Variants in DNAI2 observed in about 807,000 individuals in gnomAD.
The protein encoded by DNAI2 is dynein, axonemal, intermediate polypeptide 2.
A neutral mutation model predicts 74.7 loss-of-function variants in DNAI2; 63 were observed. The observed-to-expected ratio is 0.84, with a 90% CI of 0.69 to 1.04. DNAI2 has a LOEUF of 1.04. Ranked by LOEUF, DNAI2 falls within the 50% of genes least tolerant of loss-of-function variation. The pLI, the probability that DNAI2 is intolerant of heterozygous loss-of-function variation, is 0.00. For synonymous variants in DNAI2, 289 were observed against 314.9 expected, an observed-to-expected ratio of 0.92 and a Z score of 0.87; for missense variants, 688 against 803.2, an observed-to-expected ratio of 0.86 and a Z score of 1.73.
intron 1 of DNAI2, among the ~76,000 whole-genome samples, chr17:74,276,433 C>T (rs1441176385): frequency 6.6e-6 from 1 of 152,210 alleles, no homozygotes; most frequent in East Asian, 1.9e-4. Context: ...CGTCCCCGCT[C>T]TGTCACCCCA....
Position 74,314,737 on chromosome 17 carries a change from G to T in DNAI2, c.*204G>T. The stretch of plus-strand genomic sequence containing the variant: ...CACTTTGAAAATACCTTTCCAGGCA[G>T]CTCCCTGACCATTTGGACACATTGC... On this transcript the variant is annotated 3_prime_UTR_variant, in exon 14 of 14. Transcript: ENST00000311014. 2 of 193,524 alleles carry T rather than the reference G, an allele frequency of 1.0e-5. No individual in the cohort carries two copies. The highest frequency in any genetic ancestry group is 2.1e-4 in the South Asian group (2 of 9,476). The allele number at this position is 193,524 out of a possible 1,614,324, so 12.0% of individuals were successfully genotyped here.
rs886053377 is a variant in DNAI2 at position 74,291,017 on chromosome 17, T to C, written c.611-3T>C. The C allele has an allele frequency of 1.9e-6, 3 of 1,613,806 alleles. No individual in the cohort carries two copies. The highest frequency in any genetic ancestry group is 2.7e-5 in the African/African-American group (2 of 75,022). On this transcript the variant is annotated splice_region_variant and splice_polypyrimidine_tract_variant and intron_variant, in intron 5 of 13. Transcript: ENST00000311014. ...GTGGGGATAATTTTTTTGTGCTTTA[T>C]AGAAAACCCCAACAAGCCTGAACTT...
rs61153755 is a variant in DNAI2 at position 74,296,380 on chromosome 17, G to GGAGA, written c.725-3321_725-3318dup. Among the ~76,000 whole-genome samples the GGAGA allele has an allele frequency of 2.9e-5, 4 of 137,044 alleles. No individual in the cohort carries two copies. The East Asian group carries it at 6.4e-4, about 22-fold the overall frequency. The allele number at this position is 137,044 out of a possible 152,430, so 89.9% of individuals were successfully genotyped here. On this transcript the variant is annotated intron_variant, in intron 6 of 13. Transcript: ENST00000311014. ...GAGGAAGGGGGAAGGAGGGAGGGAG[G>GGAGA]GAGAGAGAGAGAGAGAGAGAAAGAA...
intron 1 of DNAI2, among the ~76,000 whole-genome samples, chr17:74,274,740 G>A (rs1209705216): frequency 1.3e-5 from 2 of 152,198 alleles, no homozygotes; most frequent in Non-Finnish European, 2.9e-5. Context: ...TTTAAGAGGA[G>A]AGCTTTCTGC....
intron 8 of DNAI2, among the ~76,000 whole-genome samples, chr17:74,302,703 T>C (rs1025327788): frequency 6.6e-6 from 1 of 152,258 alleles, no homozygotes; most frequent in African/African-American, 2.4e-5. Context: ...TCCCTTGTTG[T>C]TGGCTTTTGG....
intron 6 of DNAI2, among the ~76,000 whole-genome samples, chr17:74,293,947 C>A (rs2052279077): frequency 6.7e-6 from 1 of 149,706 alleles, no homozygotes; most frequent in African/African-American, 2.5e-5. Flanking sequence ...CCACGCCCAG[C>A]TAATTTTTGT....
At chr17:74,282,383 C>T (rs1389680864) in intron 2 of DNAI2, among the ~76,000 whole-genome samples, 1 of 152,104 alleles carries the variant, frequency 6.6e-6, no homozygotes, top group East Asian at 1.9e-4. Flanking sequence ...TTACTGCAAC[C>T]TTCGTTTCCT....
chr17:74,312,231 G>C lies in DNAI2; in HGVS notation c.1722+1G>C. 6.6e-7 allele frequency: 1 copy of C among 1,523,844 alleles called. No homozygotes were observed. Among genetic ancestry groups the C allele is most frequent in the Non-Finnish European group, 8.9e-7 (1 of 1,125,138 alleles). 94.4% of individuals were successfully genotyped at this position (1,523,844 alleles called of 1,614,324 possible). On this transcript the variant is annotated splice_donor_variant, in intron 12 of 13. Coordinates refer to ENST00000311014, the MANE Select transcript of DNAI2 (RefSeq NM_023036.6). LOFTEE classifies it high-confidence loss of function. ...CGCCATAAAGCTGACGCCAGTGCCT[G>C]TAGGGGCCTGGACAGGGGTTGGGTG...
At chr17:74,307,207 C>T (rs1378895608) in intron 9 of DNAI2, 41 of 455,688 alleles carry the variant, frequency 9.0e-5, no homozygotes, top group Non-Finnish European at 4.0e-5. Flanking sequence ...GTCTTCAGGT[C>T]CTGCAGGCTG....
chr17:74,282,074 G>C, intron 2 of DNAI2, 74 bp downstream of exon 2: 3 of 1,560,582 alleles, frequency 1.9e-6, no homozygotes, highest in Non-Finnish European at 2.6e-6. Context: ...CCGGTGAGTG[G>C]TTCTGTGGGT....
intron 10 of DNAI2, 93 bp downstream of exon 10, chr17:74,309,481 G>A (rs771052029): frequency 1.9e-6 from 3 of 1,571,662 alleles, no homozygotes; most frequent in African/African-American, 2.7e-5. Flanking sequence ...CACGTGTGCA[G>A]TGTGTGGCCA....
At chr17:74,295,774 A>C (rs189786341) in intron 6 of DNAI2, among the ~76,000 whole-genome samples, 1 of 152,146 alleles carries the variant, frequency 6.6e-6, no homozygotes, top group East Asian at 1.9e-4. Flanking sequence ...TCATTAATAC[A>C]TTTTCTTAGC....
chr17:74,287,498 A>G (rs753401353), intron 4 of DNAI2, among the ~76,000 whole-genome samples: 3 of 151,506 alleles, frequency 2.0e-5, no homozygotes, highest in Non-Finnish European at 4.4e-5. Context: ...GATTCATCCC[A>G]CAGGTTGTGT....
chr17:74,307,704 A>T (rs74695549), intron 9 of DNAI2, among the ~76,000 whole-genome samples: 120 of 139,040 alleles, frequency 8.6e-4, no homozygotes, highest in South Asian at 8.7e-4. Context: ...TCTGAATTTT[A>T]AAAAAAAAAA....
intron 9 of DNAI2, among the ~76,000 whole-genome samples, chr17:74,306,799 G>A (rs192650313): frequency 6.6e-6 from 1 of 152,178 alleles, no homozygotes; most frequent in East Asian, 1.9e-4. Flanking sequence ...TGTATTTTTA[G>A]TATAGACAGA....
rs374710603 is a variant in DNAI2 at position 74,312,012 on chromosome 17, C to T, written c.1504C>T (p.Arg502Cys). ...EKNVASSMFE[R>C]ETRREKILEA... is the part of the protein sequence containing the mutation. ...GTCCCTGGGTGCCCAGATGTTTGAG[C>T]GTGAGACCCGGCGAGAGAAGATCCT... Residue 502 changes from arginine to cysteine, a missense_variant, in exon 12 of 14, where the codon CGT becomes TGT. Physicochemically the swap from Arg to Cys is radical, Grantham distance 180. Coordinates refer to ENST00000311014, the MANE Select transcript of DNAI2 (RefSeq NM_023036.6). The T allele has an allele frequency of 2.0e-5, 32 of 1,611,344 alleles. No individual in the cohort carries two copies. The highest frequency in any genetic ancestry group is 5.3e-5 in the African/African-American group (4 of 74,830).
intron 10 of DNAI2, 171 bp downstream of exon 10, chr17:74,309,559 C>T: frequency 3.3e-6 from 3 of 910,498 alleles, no homozygotes; most frequent in Non-Finnish European, 3.5e-6. Context: ...TGAGCGTGTG[C>T]TCCTACAAAG....
chr17:74,305,220 C>T lies in DNAI2; in HGVS notation c.989C>T (p.Pro330Leu), dbSNP rs778774910. The change falls in exon 9 of 14, where the codon CCC becomes CTC. Residue 330 changes from proline (P) to leucine (L), a missense_variant and splice_region_variant. Pro to Leu is a moderately conservative substitution (Grantham distance 98). Transcript: ENST00000311014. Reference protein sequence around the residue: ...AISLEFESTLPTKFMVGTEQG... With the variant: ...AISLEFESTLLTKFMVGTEQG... ...CCTCCTGTGTCACTCCTTCCACAGC[C>T]CACCAAGTTCATGGTGGGGACCGAG... is the stretch of plus-strand genomic sequence containing the variant. 135 of 1,614,068 alleles carry T rather than the reference C, an allele frequency of 8.4e-5. 2 individuals are homozygous for T. In the South Asian group the frequency reaches 1.5e-3, roughly 18 times the overall value.
At chr17:74,305,174 T>A (rs2053110184) in intron 8 of DNAI2, 45 bp from the exon 9 acceptor site, 1 of 1,602,852 alleles carries the variant, frequency 6.2e-7, no homozygotes, top group Non-Finnish European at 8.5e-7. Context: ...ATCCCAGAAT[T>A]GATGGTTCGT....
Sources: gnomAD v4.1 joint callset for allele counts (sites outside exome capture counted in the v4.1 genomes callset) on GRCh38, gnomAD v4.1.1 for gene constraint, MANE v1.5 for transcripts, NCBI Gene and HGNC (gene_info 2026-07-23, HGNC 2026-07-21) for gene names.